The following MAOA variants were observed in gnomAD, a reference collection of about 807,000 sequenced individuals.
The protein encoded by MAOA is amine oxidase [flavin-containing] A.
A neutral mutation model predicts 42.0 loss-of-function variants in MAOA; 6 were observed. The ratio of observed to expected loss-of-function variants is 0.14; its 90% CI spans 0.08 to 0.28. MAOA has a LOEUF of 0.28. Among genes scored for constraint, MAOA ranks in the 10% least tolerant of loss-of-function variants. The pLI is 1.00. For synonymous variants in MAOA, 140 were observed against 154.0 expected (o/e 0.91, Z 0.67); for missense variants, 262 against 422.3 (o/e 0.62, Z 3.33).
Position 43,709,997 on chromosome X carries a change from C to T in MAOA, c.307-1875C>T, listed in dbSNP as rs1040326103. Among the ~76,000 whole-genome samples the T allele has an allele frequency of 1.4e-4, 16 of 112,413 alleles. No individual in the cohort carries two copies. In the South Asian group the frequency reaches 1.5e-3, roughly 10 times the overall value. ...TCTAGAACAAACCTATCTCCACATT[C>T]CATCAACTGTATAGGAGGCAGGAAA... On this transcript the variant is annotated intron_variant, in intron 3 of 14. Transcript: ENST00000338702.
intron 1 of MAOA, among the ~76,000 whole-genome samples, chrX:43,658,902 C>T (rs2033210319): frequency 9.0e-6 from 1 of 111,640 alleles, no homozygotes. Context: ...AATTCAGAAA[C>T]ATACCATTTT....
At chrX:43,681,876 A>ATT (rs1351689406) in intron 1 of MAOA, among the ~76,000 whole-genome samples, 1 of 50,022 alleles carries the variant, frequency 2.0e-5, no homozygotes, top group Non-Finnish European at 4.2e-5. Flanking sequence ...ATATATATAT[A>ATT]TATATTTTTT....
rs751133721 is a variant in MAOA at position 43,693,213 on chromosome X, A to G, written c.169-78A>G. On this transcript the variant is annotated intron_variant, in intron 2 of 14. Transcript: ENST00000338702. ...GCACAATTAACTTTTAAAAAAATAA[A>G]TGGGGTTATTTTTTTACAAGACACC... The G allele has an allele frequency of 8.0e-6, 8 of 1,005,771 alleles. No homozygotes were observed. In the African/African-American group the frequency reaches 1.5e-4, roughly 19 times the overall value. The allele number at this position is 1,005,771 out of a possible 1,213,427, so 82.9% of individuals were successfully genotyped here. A position where few individuals can be genotyped will look rare whatever the true frequency, so the allele number is the denominator to read the frequency against.
chrX:43,656,240 G>A, upstream of MAOA: 1 of 736,994 alleles, frequency 1.4e-6, no homozygotes, highest in Non-Finnish European at 2.1e-6. Context: ...AGAAGGATCG[G>A]CTCCGCCCCC....
At chrX:43,720,283 G>A (rs1409189979) in intron 5 of MAOA, among the ~76,000 whole-genome samples, 1 of 109,918 alleles carries the variant, frequency 9.1e-6, no homozygotes, top group African/African-American at 3.3e-5. Context: ...GCTTTGGAGA[G>A]GGCCACAGGT....
intron 10 of MAOA, among the ~76,000 whole-genome samples, chrX:43,737,131 A>C (rs778102807): frequency 1.8e-5 from 2 of 111,725 alleles, no homozygotes; most frequent in East Asian, 5.7e-4. Flanking sequence ...CATGGTTTGC[A>C]GGTAAGCTTT....
intron 5 of MAOA, among the ~76,000 whole-genome samples, chrX:43,720,118 G>A (rs2033777106): frequency 9.1e-6 from 1 of 110,058 alleles, no homozygotes; most frequent in African/African-American, 3.3e-5. Flanking sequence ...CAGGAGTAGG[G>A]GGGAAATAGA....
At chrX:43,740,091 A>C (rs1300368885) in intron 10 of MAOA, among the ~76,000 whole-genome samples, 3 of 112,421 alleles carry the variant, frequency 2.7e-5, no homozygotes, top group Non-Finnish European at 5.6e-5. Flanking sequence ...CCCATCCCTC[A>C]GATACACTTT....
chrX:43,703,093 T>A (rs1376606840), intron 3 of MAOA, among the ~76,000 whole-genome samples: 1 of 111,954 alleles, frequency 8.9e-6, no homozygotes, highest in Admixed American at 9.5e-5. Flanking sequence ...GTTTAAATGC[T>A]GGGAAGATGG....
At chrX:43,693,516 A>T (rs2033552979) in intron 3 of MAOA, 88 bp downstream of exon 3, 1 of 1,010,466 alleles carries the variant, frequency 9.9e-7, no homozygotes, top group Non-Finnish European at 1.4e-6. Context: ...TTTTCTTTCA[A>T]AGCAATTGTA....
chrX:43,717,613 G>A (rs774552704), intron 5 of MAOA, among the ~76,000 whole-genome samples: 1 of 111,022 alleles, frequency 9.0e-6, no homozygotes, highest in Non-Finnish European at 1.9e-5. Flanking sequence ...GGGGAGACAG[G>A]AAATGATAAT....
At chrX:43,722,913 A>T (rs917013547) in intron 5 of MAOA, among the ~76,000 whole-genome samples, 1 of 111,989 alleles carries the variant, frequency 8.9e-6, no homozygotes. Flanking sequence ...ATGGCTAGCC[A>T]GTTTTCCCAG....
chrX:43,683,177 G>A (rs1390890630), intron 1 of MAOA, among the ~76,000 whole-genome samples: 1 of 111,931 alleles, frequency 8.9e-6, no homozygotes, highest in Admixed American at 9.5e-5. Context: ...ATTTCTGTAT[G>A]AGGGAAATGA....
At position 43,732,806 on chromosome X, in the gene MAOA, G is replaced by C; in HGVS notation, c.1052+11G>C. The stretch of plus-strand genomic sequence containing the variant: ...GCCTGCCATCATGGGGTAGGTTAGA[G>C]CAGGGTGTTCTGCATTTTCCAAATT... On this transcript the variant is annotated intron_variant, in intron 9 of 14. Transcript: ENST00000338702. 1 of 1,141,683 alleles carries C rather than the reference G, an allele frequency of 8.8e-7. No individual in the cohort carries two copies. Among genetic ancestry groups the C allele is most frequent in the Non-Finnish European group, 1.2e-6 (1 of 831,600 alleles). 94.1% of individuals were successfully genotyped at this position (1,141,683 alleles called of 1,213,427 possible).
chrX:43,724,688 A>T (rs762174454), intron 5 of MAOA, among the ~76,000 whole-genome samples: 1 of 110,364 alleles, frequency 9.1e-6, no homozygotes, highest in Non-Finnish European at 1.9e-5. Flanking sequence ...TTCTGCTCTG[A>T]TCTTAGTTAT....
At chrX:43,673,657 G>A (rs1160815612) in intron 1 of MAOA, among the ~76,000 whole-genome samples, 10 of 110,111 alleles carry the variant, frequency 9.1e-5, no homozygotes, top group African/African-American at 3.3e-4. Context: ...CTTTGTTCTT[G>A]TTGGTTTCAA....
At chrX:43,690,128 T>C (rs1037280930) in intron 2 of MAOA, among the ~76,000 whole-genome samples, 6 of 110,225 alleles carry the variant, frequency 5.4e-5, no homozygotes, top group African/African-American at 2.0e-4. Context: ...GGGTTTCTTA[T>C]CTTCCAACAA....
intron 2 of MAOA, among the ~76,000 whole-genome samples, chrX:43,687,703 C>T (rs908473941): frequency 1.8e-5 from 2 of 112,381 alleles, no homozygotes; most frequent in African/African-American, 3.2e-5. Context: ...ACATCTCAAA[C>T]GTAACACATC....
At chrX:43,689,812 C>T (rs2033518472) in intron 2 of MAOA, among the ~76,000 whole-genome samples, 1 of 111,515 alleles carries the variant, frequency 9.0e-6, no homozygotes, top group Non-Finnish European at 1.9e-5. Flanking sequence ...GTCCTAAACT[C>T]TGTACACTTG....
Sources: gnomAD v4.1 joint callset for allele counts (sites outside exome capture counted in the v4.1 genomes callset) on GRCh38, gnomAD v4.1.1 for gene constraint, MANE v1.5 for transcripts, NCBI Gene and HGNC (gene_info 2026-07-23, HGNC 2026-07-21) for gene names.